DPP6: variants seen among roughly 807,000 people sequenced by gnomAD.
DPP6 encodes the protein A-type potassium channel modulatory protein DPP6.
DPP6 carries 69 observed loss-of-function variants against 122.6 expected under a neutral mutation model. The observed-to-expected ratio is 0.56, with a 90% CI of 0.46 to 0.69. DPP6 has a LOEUF of 0.69. DPP6 is among the 30% of genes least tolerant of loss of function. The pLI is 0.00. For missense variants in DPP6, 928 were observed against 1,116.9 expected, an observed-to-expected ratio of 0.83 and a Z score of 2.41; for synonymous variants, 418 against 433.1, an observed-to-expected ratio of 0.97 and a Z score of 0.43.
At chr7:154,014,569 C>T (rs563902453) in intron 1 of DPP6, among the ~76,000 whole-genome samples, 3 of 151,886 alleles carry the variant, frequency 2.0e-5, no homozygotes, top group South Asian at 2.1e-4. Flanking sequence ...GCACGAGAAT[C>T]GCTTATTGCT....
At chr7:154,185,951 A>G (rs1415455748) in intron 1 of DPP6, among the ~76,000 whole-genome samples, 1 of 152,228 alleles carries the variant, frequency 6.6e-6, no homozygotes, top group Non-Finnish European at 1.5e-5. Flanking sequence ...GCAAGAAGAT[A>G]TTAAAAACAT....
intron 7 of DPP6, among the ~76,000 whole-genome samples, chr7:154,717,264 TA>T (rs1291323195): frequency 6.6e-6 from 1 of 152,240 alleles, no homozygotes; most frequent in East Asian, 1.9e-4. Flanking sequence ...ATATTTTGAA[TA>T]GACAATATAT....
intron 1 of DPP6, among the ~76,000 whole-genome samples, chr7:153,992,731 TCTC>T (rs1016199819): frequency 1.1e-4 from 16 of 152,196 alleles, no homozygotes; most frequent in African/African-American, 3.9e-4. Flanking sequence ...CTCACCCTCT[TCTC>T]CTACATGCAA....
intron 1 of DPP6, among the ~76,000 whole-genome samples, chr7:154,202,098 C>T (rs10224331): frequency 6.6e-6 from 1 of 152,054 alleles, no homozygotes; most frequent in Non-Finnish European, 1.5e-5. Context: ...ATAAGTAAAT[C>T]GTGTGATGGA....
chr7:154,821,663 T>TACAC lies in DPP6; in HGVS notation c.1666+14553_1666+14556dup, dbSNP rs59554516. ...ATATATATACACATATATATATATA[T>TACAC]ACACATATATATATACACACACATA... On this transcript the variant is annotated intron_variant, in intron 16 of 25. Transcript: ENST00000377770. The surrounding 1 kb of genome is among the most constrained non-coding windows in gnomAD (Gnocchi z 4.2). 5.5e-3 allele frequency among the ~76,000 whole-genome samples: 613 copies of TACAC among 110,636 alleles called. 3 individuals carry two copies. Among genetic ancestry groups the TACAC allele is most frequent in the Middle Eastern group, 0.014 (3 of 220 alleles). The allele number at this position is 110,636 out of a possible 152,430, so 72.6% of individuals were successfully genotyped here. A position where few individuals can be genotyped will look rare whatever the true frequency, so the allele number is the denominator to read the frequency against.
At chr7:154,668,867 C>A (rs2131099894) in intron 6 of DPP6, among the ~76,000 whole-genome samples, 1 of 152,244 alleles carries the variant, frequency 6.6e-6, no homozygotes, top group African/African-American at 2.4e-5. Context: ...TTATCCCCTT[C>A]CTCCCTCTCT....
At chr7:154,799,272 C>T (rs996411138) in intron 12 of DPP6, among the ~76,000 whole-genome samples, 2 of 152,130 alleles carry the variant, frequency 1.3e-5, no homozygotes, top group East Asian at 1.9e-4. Context: ...TACGGTCACC[C>T]GCAGAGATTC....
intron 1 of DPP6, among the ~76,000 whole-genome samples, chr7:154,356,353 G>T (rs368861829): frequency 1.6e-4 from 24 of 152,272 alleles, no homozygotes; most frequent in African/African-American, 5.5e-4. Context: ...AGTACTTGTG[G>T]ATTTGTTGAT....
chr7:154,778,652 A>G (rs1796741160), intron 10 of DPP6, among the ~76,000 whole-genome samples: 1 of 145,672 alleles, frequency 6.9e-6, no homozygotes, highest in South Asian at 2.3e-4. Flanking sequence ...CACCACCACC[A>G]CAACCTCTAC....
At chr7:153,958,088 C>T (rs578069943) in intron 1 of DPP6, among the ~76,000 whole-genome samples, 40 of 152,094 alleles carry the variant, frequency 2.6e-4, no homozygotes, top group Middle Eastern at 3.4e-3. Flanking sequence ...CGCTTGAACC[C>T]GGGAGGCGGA....
chr7:154,202,127 A>G (rs750326002), intron 1 of DPP6, among the ~76,000 whole-genome samples: 2 of 152,172 alleles, frequency 1.3e-5, no homozygotes, highest in Non-Finnish European at 2.9e-5. Context: ...GTGATAAAGC[A>G]CTATATAAAA....
At chr7:153,978,516 G>T (rs554347900) in intron 1 of DPP6, among the ~76,000 whole-genome samples, 8 of 151,976 alleles carry the variant, frequency 5.3e-5, no homozygotes, top group Non-Finnish European at 1.0e-4. Flanking sequence ...GTTGTTTTTT[G>T]TTTTGCTTTG....
At chr7:154,532,429 A>G (rs1336165800) in intron 3 of DPP6, among the ~76,000 whole-genome samples, 2 of 152,170 alleles carry the variant, frequency 1.3e-5, no homozygotes, top group Non-Finnish European at 2.9e-5. Flanking sequence ...CATCTTAACA[A>G]GCTAGAAGAA....
chr7:154,081,982 C>G (rs554136724), intron 1 of DPP6, among the ~76,000 whole-genome samples: 3 of 152,258 alleles, frequency 2.0e-5, no homozygotes, highest in Non-Finnish European at 4.4e-5. Flanking sequence ...TATTAGAAAT[C>G]AACTTGAGTG....
intron 1 of DPP6, among the ~76,000 whole-genome samples, chr7:154,055,158 G>A (rs2533723): frequency 2.8e-5 from 4 of 141,288 alleles, no homozygotes; most frequent in South Asian, 2.4e-4. Context: ...TTTATATAGT[G>A]TACTCCCGAT....
At chr7:153,993,681 T>G (rs1217528789) in intron 1 of DPP6, among the ~76,000 whole-genome samples, 1 of 152,184 alleles carries the variant, frequency 6.6e-6, no homozygotes, top group Admixed American at 6.5e-5. Flanking sequence ...TGAGTTCTGG[T>G]TCCAGAGTTA....
chr7:153,964,983 C>CCTTCCTTT lies in DPP6; in HGVS notation c.51+77256_51+77257insTCTTCCTT, dbSNP rs1489278115. 7.0e-4 allele frequency among the ~76,000 whole-genome samples: 43 copies of CCTTCCTTT among 61,380 alleles called. 3 individuals are homozygous for CCTTCCTTT. Among genetic ancestry groups the CCTTCCTTT allele is most frequent in the African/African-American group, 3.2e-3 (40 of 12,386 alleles). 40.3% of individuals were successfully genotyped at this position (61,380 alleles called of 152,430 possible). A position where few individuals can be genotyped will look rare whatever the true frequency, so the allele number is the denominator to read the frequency against. ...TTCTTTCTTTCATTTCTTTTCCCTT[C>CCTTCCTTT]CTTCCTTCCTTCCTTTCTTCCTTCC... On this transcript the variant is annotated intron_variant, in intron 1 of 25. Transcript: ENST00000404039.
At chr7:154,713,471 A>G (rs1336756948) in intron 7 of DPP6, among the ~76,000 whole-genome samples, 1 of 152,220 alleles carries the variant, frequency 6.6e-6, no homozygotes, top group Non-Finnish European at 1.5e-5. Context: ...CTACCTGGAC[A>G]TCCTGGCATT....
At chr7:154,347,244 C>T (rs572434188) in intron 1 of DPP6, among the ~76,000 whole-genome samples, 9 of 152,280 alleles carry the variant, frequency 5.9e-5, no homozygotes, top group Admixed American at 4.6e-4. Flanking sequence ...TACCAACTCT[C>T]GATTCAGGGT....
Sources: gnomAD v4.1 joint callset for allele counts (sites outside exome capture counted in the v4.1 genomes callset) on GRCh38, gnomAD v4.1.1 for gene constraint, Gnocchi (gnomAD v3.1) non-coding constraint, MANE v1.5 for transcripts, NCBI Gene and HGNC (gene_info 2026-07-23, HGNC 2026-07-21) for gene names.